The following DNAH17 variants were observed in gnomAD, a reference collection of about 807,000 sequenced individuals.
The protein encoded by DNAH17 is axonemal beta dynein heavy chain 17.
Under a neutral mutation model 485.6 loss-of-function variants are expected in DNAH17, and 376 were observed. That is an observed-to-expected ratio of 0.77 (90% confidence interval 0.71 to 0.84). DNAH17 has a LOEUF of 0.84. Ranked by LOEUF, DNAH17 falls within the 40% of genes least tolerant of loss-of-function variation. The probability of loss-of-function intolerance (pLI) is 0.00; values close to 1 mark genes in which losing one functional copy is unlikely to be tolerated. For synonymous variants in DNAH17, 3,031 were observed against 2,405.9 expected, an observed-to-expected ratio of 1.26 and a Z score of -7.60; for missense variants, 6,370 against 5,839.3, an observed-to-expected ratio of 1.09 and a Z score of -2.96.
chr17:78,433,970 AG>A, intron 75 of DNAH17, 58 bp downstream of exon 75: 1 of 1,402,832 alleles, frequency 7.1e-7, no homozygotes, highest in Non-Finnish European at 9.7e-7. Flanking sequence ...GGAAGGAGGG[AG>A]GGAAGGAGGG....
Position 78,486,274 on chromosome 17 carries a change from AGTACAGCTC to A in DNAH17, c.7042_7050del (p.Glu2348_Tyr2350del). 1 of 1,605,290 alleles carries A rather than the reference AGTACAGCTC, an allele frequency of 6.2e-7. No homozygotes were observed. On this transcript the variant is annotated inframe_deletion, in exon 45 of 81. Coordinates refer to ENST00000389840, the MANE Select transcript of DNAH17 (RefSeq NM_173628.4). ...AAGGCCCAGAAGCAGGTGAACACGAAGTACAGCTCGTACAGCTCCCTGGGGGAGTCGGGG... is the reference window on the plus strand; with the variant it reads ...AAGGCCCAGAAGCAGGTGAACACGAAGTACAGCTCCCTGGGGGAGTCGGGG...
Position 78,506,779 on chromosome 17 carries a change from A to T in DNAH17, c.4744T>A (p.Tyr1582Asn), listed in dbSNP as rs2090496864. Residue 1582 changes from tyrosine to asparagine, a missense_variant, in exon 30 of 81, where the codon TAT (tyrosine) becomes AAT (asparagine). By Grantham distance (143) the Tyr-to-Asn change is moderately radical (BLOSUM62 -2). Coordinates refer to ENST00000389840, the MANE Select transcript of DNAH17 (RefSeq NM_173628.4). ...AGGAGGTCAGCCGAGGAGACAAAAT[A>T]GAACCGGGGGAAAGCCAGTCTTTTC... ...ETKRLAFPRF[Y>N]FVSSADLLDI... The T allele has an allele frequency of 6.2e-7, 1 of 1,614,046 alleles. No homozygotes were observed.
intron 27 of DNAH17, 32 bp from the exon 28 acceptor site, chr17:78,507,837 A>C: frequency 6.7e-7 from 1 of 1,498,230 alleles, no homozygotes; most frequent in Non-Finnish European, 8.9e-7. Flanking sequence ...AAGGTCACTG[A>C]GCATTTGGCA....
chr17:78,518,093 A>G (rs1598628358), intron 25 of DNAH17, among the ~76,000 whole-genome samples: 1 of 152,366 alleles, frequency 6.6e-6, no homozygotes, highest in East Asian at 1.9e-4. Context: ...GGAATAAGAA[A>G]CAAAGGGAAC....
In DNAH17 at chr17:78,463,027, G is replaced by A. The variant is rs767633530; in HGVS notation, c.8991C>T (p.Thr2997=). The A allele has an allele frequency of 1.4e-5, 22 of 1,613,794 alleles. No individual in the cohort carries two copies. Among genetic ancestry groups the A allele is most frequent in the Middle Eastern group, 3.3e-4 (2 of 6,084 alleles). ...GGTATACCCTGGACATCTCGTTGACGGTGGTGTGCACGTAGGACATGAAGA... is the reference window on the plus strand; with the variant it reads ...GGTATACCCTGGACATCTCGTTGACAGTGGTGTGCACGTAGGACATGAAGA... ...ISFFMSYVHT[T]VNEMSRVYLA... Residue 2997 remains threonine (T), a synonymous_variant, in exon 57 of 81, where the codon ACC becomes ACT. Transcript: ENST00000389840.
In DNAH17 at chr17:78,438,979, C is replaced by T; in HGVS notation, c.11805+111G>A. 3 of 1,438,462 alleles carry T rather than the reference C, an allele frequency of 2.1e-6. No homozygotes were observed. The South Asian group carries it at 4.3e-5, about 21-fold the overall frequency. 89.1% of individuals were successfully genotyped at this position (1,438,462 alleles called of 1,614,324 possible). ...TCAGTGGTGTTAGGATTTCCACCCA[C>T]ATTTCTGAATGCAAACTCCACATCC... On this transcript the variant is annotated intron_variant, in intron 73 of 80. Transcript: ENST00000389840.
intron 9 of DNAH17, among the ~76,000 whole-genome samples, chr17:78,567,968 G>A (rs74903825): frequency 0.021 from 3,207 of 152,216 alleles, 94 homozygotes; most frequent in African/African-American, 0.062. Context: ...TCACTCCCCT[G>A]AACTGGTGCT....
chr17:78,514,889 A>G lies in DNAH17; in HGVS notation c.3998T>C (p.Phe1333Ser). Residue 1333 changes from phenylalanine (F) to serine (S), a missense_variant, in exon 26 of 81, where the codon TTC becomes TCC. Phe to Ser is a radical substitution (Grantham distance 155, BLOSUM62 -2). Transcript: ENST00000389840. ...LDKEMKTWDA[F>S]VGLDNTVKNV... is the part of the protein sequence containing the mutation. Reference sequence around the variant, plus strand: ...TTTCACGGTGTTGTCGAGCCCCACGAAGGCATCCCAGGTTTTCATCTCCTT... The same window carrying G: ...TTTCACGGTGTTGTCGAGCCCCACGGAGGCATCCCAGGTTTTCATCTCCTT... 6.2e-7 allele frequency: 1 copy of G among 1,614,014 alleles called. No individual in the cohort carries two copies. The highest frequency in any genetic ancestry group is 1.6e-4 in the Middle Eastern group (1 of 6,062).
At chr17:78,467,434 G>C (rs560993374) in intron 55 of DNAH17, among the ~76,000 whole-genome samples, 104 of 152,372 alleles carry the variant, frequency 6.8e-4, no homozygotes, top group African/African-American at 2.4e-3. Context: ...TGACGTGAGG[G>C]TGCAGGACAG....
chr17:78,486,508 T>TG lies in DNAH17; in HGVS notation c.6819-3dup. ...CTCTCGATCCAGCTGCTCACCACCC[T>TG]GGGGGTGACAGGAGGCGCCGATGAC... On this transcript the variant is annotated splice_region_variant and splice_polypyrimidine_tract_variant and intron_variant, in intron 44 of 80. Coordinates refer to ENST00000389840, the MANE Select transcript of DNAH17 (RefSeq NM_173628.4). 1.3e-6 allele frequency: 2 copies of TG among 1,597,400 alleles called. No individual in the cohort carries two copies. Among genetic ancestry groups the TG allele is most frequent in the Non-Finnish European group, 1.7e-6 (2 of 1,169,432 alleles).
chr17:78,438,541 G>A (rs573451357), intron 73 of DNAH17, among the ~76,000 whole-genome samples: 12 of 143,030 alleles, frequency 8.4e-5, no homozygotes, highest in East Asian at 4.1e-4. Flanking sequence ...TCTGTCGCCC[G>A]GGCTGGAGTG....
chr17:78,466,566 A>G, intron 56 of DNAH17, 89 bp downstream of exon 56: 1 of 1,362,008 alleles, frequency 7.3e-7, no homozygotes, highest in Non-Finnish European at 9.6e-7. Flanking sequence ...CCCTAATCCC[A>G]GCGCCCTTTT....
At chr17:78,568,087 C>T (rs1375901466) in intron 9 of DNAH17, among the ~76,000 whole-genome samples, 4 of 152,168 alleles carry the variant, frequency 2.6e-5, no homozygotes, top group African/African-American at 7.2e-5. Context: ...CCACCCGACG[C>T]GGAGGACACA....
intron 14 of DNAH17, among the ~76,000 whole-genome samples, chr17:78,555,014 T>G (rs143822148): frequency 1.3e-5 from 2 of 152,342 alleles, no homozygotes; most frequent in African/African-American, 4.8e-5. Context: ...CCCAAAGTGC[T>G]GAGATTACAG....
chr17:78,424,110 C>G lies in DNAH17; in HGVS notation c.13185G>C (p.Arg4395=). ...GCATGGCCGGGGTCAGCTCTTTCAG[C>G]CGCGCTTCAGCGATGACTCCAGTCT... The part of the protein sequence containing the change: ...DTQTGVIAEA[R]LKELTPAMPV... Residue 4395 remains arginine (R), a synonymous_variant, in exon 81 of 81, where the codon CGG becomes CGC. Transcript: ENST00000389840. 6.2e-7 allele frequency: 1 copy of G among 1,613,662 alleles called. No individual in the cohort carries two copies. Among genetic ancestry groups the G allele is most frequent in the Non-Finnish European group, 8.5e-7 (1 of 1,179,866 alleles).
intron 31 of DNAH17, among the ~76,000 whole-genome samples, chr17:78,503,561 C>T (rs1344675680): frequency 1.3e-5 from 2 of 152,032 alleles, no homozygotes; most frequent in African/African-American, 2.4e-5. Flanking sequence ...AGTCCTGGCT[C>T]ACTGCAGCCT....
rs1394496583 is a variant in DNAH17, at chr17:78,494,166, T to C, written c.6278A>G (p.Lys2093Arg). The C allele has an allele frequency of 6.2e-7, 1 of 1,611,536 alleles. No homozygotes were observed. The highest frequency in any genetic ancestry group is 1.7e-5 in the Admixed American group (1 of 59,986). ...CAGCTTGAGCTCCACGATGCTCTGC[T>C]TGATGATCTGGGGAGACATGGATGA... ...KRDLNFEKII[K>R]QSIVELKLQA... Residue 2093 changes from lysine (K) to arginine (R), a missense_variant, in exon 41 of 81, where the codon AAG becomes AGG. By Grantham distance (26) the Lys-to-Arg change is conservative (BLOSUM62 2). Transcript: ENST00000389840.
At chr17:78,468,125 T>C (rs911146906) in intron 55 of DNAH17, among the ~76,000 whole-genome samples, 1 of 149,400 alleles carries the variant, frequency 6.7e-6, no homozygotes, top group Non-Finnish European at 1.5e-5. Flanking sequence ...TCTGTCCACA[T>C]CTGTGGATTT....
intron 62 of DNAH17, 74 bp from the exon 63 acceptor site, chr17:78,455,910 G>A (rs2087775013): frequency 9.6e-6 from 12 of 1,253,242 alleles, no homozygotes; most frequent in Non-Finnish European, 1.3e-5. Context: ...CTCCACCTCT[G>A]CACCTCTGTG....
Sources: allele counts gnomAD v4.1 joint callset (sites outside exome capture counted in the v4.1 genomes callset), GRCh38; gene constraint gnomAD v4.1.1; transcripts MANE v1.5; gene names NCBI Gene and HGNC (gene_info 2026-07-23, HGNC 2026-07-21).